ZFHX3: variants seen among roughly 807,000 people sequenced by gnomAD.
The protein encoded by ZFHX3 is zinc finger homeobox 3.
ZFHX3 carries 42 observed loss-of-function variants against 279.1 expected under a neutral mutation model. The observed-to-expected ratio is 0.15, with a 90% confidence interval of 0.12 to 0.19. The LOEUF is 0.19. ZFHX3 is among the 10% of genes least tolerant of loss of function. The pLI is 1.00. For missense variants in ZFHX3, 4,981 were observed against 4,754.0 expected (o/e 1.05, Z -1.40); for synonymous variants, 2,293 against 1,957.8 (o/e 1.17, Z -4.52).
chr16:73,685,342 G>C (rs934493635), intron 1 of ZFHX3, among the ~76,000 whole-genome samples: 5 of 152,168 alleles, frequency 3.3e-5, no homozygotes, highest in Admixed American at 1.3e-4. Flanking sequence ...AAATGTAAGA[G>C]GGAGGCAGAA....
chr16:73,772,194 T>C (rs2054025727), intron 1 of ZFHX3, among the ~76,000 whole-genome samples: 1 of 152,140 alleles, frequency 6.6e-6, no homozygotes, highest in African/African-American at 2.4e-5. Context: ...ACTAGTCTGT[T>C]TTCACACTGC....
At chr16:73,385,635 G>C (rs1159951913) in intron 3 of ZFHX3, among the ~76,000 whole-genome samples, 1 of 152,226 alleles carries the variant, frequency 6.6e-6, no homozygotes, top group Non-Finnish European at 1.5e-5. Context: ...CACACACAGA[G>C]AGGAAGTGGC....
intron 1 of ZFHX3, among the ~76,000 whole-genome samples, chr16:73,730,386 G>C (rs954769285): frequency 5.9e-4 from 85 of 145,024 alleles, no homozygotes; most frequent in Non-Finnish European, 9.3e-4. Context: ...GAAAAAGAGA[G>C]AGAAAGAAAG....
chr16:73,222,672 T>A (rs2012461127), intron 5 of ZFHX3, among the ~76,000 whole-genome samples: 1 of 152,074 alleles, frequency 6.6e-6, no homozygotes, highest in Non-Finnish European at 1.5e-5. Flanking sequence ...CAGTGTAGTC[T>A]CAATCAAAAG....
intron 2 of ZFHX3, among the ~76,000 whole-genome samples, chr16:73,506,891 G>A (rs769788176): frequency 7.2e-5 from 11 of 152,208 alleles, no homozygotes; most frequent in African/African-American, 1.9e-4. Context: ...GAACCAAAGC[G>A]ATAATGCATA....
chr16:73,718,203 G>A (rs1346950388), intron 1 of ZFHX3, among the ~76,000 whole-genome samples: 1 of 152,148 alleles, frequency 6.6e-6, no homozygotes, highest in Non-Finnish European at 1.5e-5. Context: ...TTGAGGCCAG[G>A]AACTCGCGAC....
At chr16:73,801,147 T>A (rs575450240) in intron 1 of ZFHX3, among the ~76,000 whole-genome samples, 1 of 152,342 alleles carries the variant, frequency 6.6e-6, no homozygotes, top group East Asian at 1.9e-4. Context: ...ATATAGCATA[T>A]GTTTTTAGTG....
At chr16:73,770,004 C>T (rs370150339) in intron 1 of ZFHX3, among the ~76,000 whole-genome samples, 20 of 152,288 alleles carry the variant, frequency 1.3e-4, no homozygotes, top group East Asian at 7.7e-4. Context: ...CATCCATGGT[C>T]GGCAGAATAA....
rs1233648918 is a variant in ZFHX3, at chr16:72,798,023, A to C, written c.4659T>G (p.Ser1553=). 7.4e-6 allele frequency: 12 copies of C among 1,614,092 alleles called. No individual in the cohort carries two copies. Among genetic ancestry groups the C allele is most frequent in the Non-Finnish European group, 1.0e-5 (12 of 1,180,056 alleles). The part of the protein sequence containing the change: ...RPYKCTVCKE[S]FTQKNILLVH... ...CTAGCAGGATATTCTTTTGAGTGAA[A>C]GATTCCTTGCAGACGGTACACTTGT... The change falls in exon 9 of 10, where the codon TCT becomes TCG. Residue 1553 remains serine, a synonymous_variant. Transcript: ENST00000268489.
intron 1 of ZFHX3, among the ~76,000 whole-genome samples, chr16:73,830,138 G>C: frequency 1.5e-5 from 2 of 129,576 alleles, no homozygotes; most frequent in African/African-American, 3.0e-5. Context: ...TCTGAAAAGC[G>C]CAATATTCGG....
intron 4 of ZFHX3, among the ~76,000 whole-genome samples, chr16:72,832,408 G>A (rs2037081835): frequency 6.6e-6 from 1 of 152,068 alleles, no homozygotes; most frequent in South Asian, 2.1e-4. Flanking sequence ...CTGCCCTACT[G>A]CAAGCAGAAA....
At chr16:73,100,577 C>CT (rs368465486) in intron 7 of ZFHX3, among the ~76,000 whole-genome samples, 5,021 of 143,484 alleles carry the variant, frequency 0.035, 222 homozygotes, top group African/African-American at 0.097. Flanking sequence ...GAATTCCCCT[C>CT]TTTTTTTTTT....
chr16:73,387,683 A>G lies in ZFHX3; in HGVS notation c.-1291+68320T>C, dbSNP rs141881843. 2.7e-3 allele frequency among the ~76,000 whole-genome samples: 413 copies of G among 152,224 alleles called. 3 individuals are homozygous for G. The highest frequency in any genetic ancestry group is 9.6e-3 in the African/African-American group (399 of 41,542). ...TCAATTAAAACAAAAAATTGAACAG[A>G]TGTGCCTCAAGAGGGCTGGCAGTAC... On this transcript the variant is annotated intron_variant, in intron 3 of 17. Transcript: ENST00000641206.
At chr16:72,860,967 T>G (rs1359714154) in intron 4 of ZFHX3, among the ~76,000 whole-genome samples, 1 of 152,224 alleles carries the variant, frequency 6.6e-6, no homozygotes, top group Non-Finnish European at 1.5e-5. Context: ...TCCCAGGGTT[T>G]TCCCAAGTTA....
intron 3 of ZFHX3, among the ~76,000 whole-genome samples, chr16:73,345,281 T>C (rs908734715): frequency 6.6e-6 from 1 of 152,116 alleles, no homozygotes; most frequent in African/African-American, 2.4e-5. Flanking sequence ...GATGTGCAGG[T>C]TTGTTACATA....
intron 2 of ZFHX3, among the ~76,000 whole-genome samples, chr16:73,645,214 T>C (rs1179686632): frequency 6.6e-6 from 1 of 152,234 alleles, no homozygotes; most frequent in Non-Finnish European, 1.5e-5. Flanking sequence ...TTCTTGGGGA[T>C]TCCAAATGTA....
intron 3 of ZFHX3, among the ~76,000 whole-genome samples, chr16:73,399,687 T>G (rs1010098541): frequency 5.9e-5 from 9 of 152,164 alleles, no homozygotes; most frequent in African/African-American, 1.9e-4. Flanking sequence ...AATCGAGTGC[T>G]GTTTTGTCTC....
intron 1 of ZFHX3, among the ~76,000 whole-genome samples, chr16:72,997,178 T>G (rs1057094927): frequency 1.3e-5 from 2 of 152,354 alleles, no homozygotes; most frequent in East Asian, 1.9e-4. Flanking sequence ...TGTGGGAATC[T>G]GCTCTATCGC....
chr16:73,310,607 A>G (rs1273080601), intron 4 of ZFHX3, among the ~76,000 whole-genome samples: 8 of 152,154 alleles, frequency 5.3e-5, no homozygotes, highest in Non-Finnish European at 8.8e-5. Context: ...AAAATATGCT[A>G]TAGTACATAG....
Sources: allele counts gnomAD v4.1 joint callset (sites outside exome capture counted in the v4.1 genomes callset), GRCh38; gene constraint gnomAD v4.1.1; transcripts MANE v1.5; gene names NCBI Gene and HGNC (gene_info 2026-07-23, HGNC 2026-07-21).